The following PDE10A variants were observed in gnomAD, a reference collection of about 807,000 sequenced individuals.
PDE10A encodes the protein cAMP and cAMP-inhibited cGMP 3',5'-cyclic phosphodiesterase 10A.
Under a neutral mutation model 97.7 loss-of-function variants are expected in PDE10A, and 39 were observed. The observed-to-expected ratio is 0.40, with a 90% CI of 0.31 to 0.52. PDE10A has a LOEUF of 0.52. PDE10A is among the 20% of genes least tolerant of loss of function. The probability of loss-of-function intolerance (pLI) is 0.56; values close to 1 mark genes in which losing one functional copy is unlikely to be tolerated. For missense variants in PDE10A, 731 were observed against 1,047.8 expected, an observed-to-expected ratio of 0.70 and a Z score of 4.17; for synonymous variants, 371 against 376.8, an observed-to-expected ratio of 0.98 and a Z score of 0.18.
intron 1 of PDE10A, among the ~76,000 whole-genome samples, chr6:165,704,960 C>T (rs889336381): frequency 6.6e-6 from 1 of 152,248 alleles, no homozygotes; most frequent in South Asian, 2.1e-4. Context: ...TCCACATCTT[C>T]CCCTGTTGTG....
At chr6:165,563,650 G>A (rs575546903) in intron 1 of PDE10A, among the ~76,000 whole-genome samples, 3 of 152,154 alleles carry the variant, frequency 2.0e-5, no homozygotes, top group Non-Finnish European at 4.4e-5. Flanking sequence ...AGCACCTTGG[G>A]AGGCTGAGGC....
At chr6:165,758,551 A>G (rs867463393) in intron 1 of PDE10A, among the ~76,000 whole-genome samples, 21 of 89,100 alleles carry the variant, frequency 2.4e-4, no homozygotes, top group African/African-American at 3.0e-4. Context: ...AAGAGGAAGA[A>G]GAAGAGGAAG....
intron 7 of PDE10A, among the ~76,000 whole-genome samples, 161 bp from the exon 8 acceptor site, chr6:165,431,633 T>TAC (rs143884002): frequency 0.041 from 6,079 of 147,942 alleles, 462 homozygotes; most frequent in African/African-American, 0.14. Flanking sequence ...TATATATATA[T>TAC]ATACACACAC....
At chr6:165,542,330 T>C (rs1783488218) in intron 2 of PDE10A, among the ~76,000 whole-genome samples, 1 of 152,154 alleles carries the variant, frequency 6.6e-6, no homozygotes, top group Non-Finnish European at 1.5e-5. Flanking sequence ...TATATTAATA[T>C]ACATTCAGTT....
intron 2 of PDE10A, among the ~76,000 whole-genome samples, chr6:165,538,495 T>C (rs1224024342): frequency 6.6e-6 from 1 of 152,208 alleles, no homozygotes. Flanking sequence ...TTTAAGAAAT[T>C]AATGTTACAA....
chr6:165,889,361 C>A (rs139470771), intron 1 of PDE10A, among the ~76,000 whole-genome samples: 1 of 152,318 alleles, frequency 6.6e-6, no homozygotes, highest in Admixed American at 6.5e-5. Flanking sequence ...AGTTGTTTCC[C>A]AATCTGCACT....
intron 2 of PDE10A, among the ~76,000 whole-genome samples, chr6:165,540,246 A>G (rs1783348814): frequency 6.6e-6 from 1 of 152,198 alleles, no homozygotes; most frequent in African/African-American, 2.4e-5. Flanking sequence ...TTGAAAGTTT[A>G]GCCAAATATA....
At chr6:165,424,617 A>T (rs1370831782) in intron 10 of PDE10A, among the ~76,000 whole-genome samples, 2 of 152,196 alleles carry the variant, frequency 1.3e-5, no homozygotes, top group Non-Finnish European at 1.5e-5. Context: ...TCATTTTATA[A>T]GTGTAGCATA....
chr6:165,952,271 A>C (rs93622), intron 1 of PDE10A, among the ~76,000 whole-genome samples: 70,590 of 152,110 alleles, frequency 0.46, 18,124 homozygotes, highest in Admixed American at 0.6. Context: ...GCCTTTCTTC[A>C]CTCCCCAACT....
intron 3 of PDE10A, among the ~76,000 whole-genome samples, chr6:165,460,007 C>T (rs1720340432): frequency 2.6e-5 from 4 of 152,192 alleles, no homozygotes; most frequent in Admixed American, 1.3e-4. Context: ...AAAATGGGAA[C>T]CCGATTTTGG....
At chr6:165,962,458 G>A (rs541801917) in intron 1 of PDE10A, among the ~76,000 whole-genome samples, 50 of 152,364 alleles carry the variant, frequency 3.3e-4, no homozygotes, top group Non-Finnish European at 7.1e-4. Context: ...TACTCATTCA[G>A]CTTCGCTCGG....
At chr6:165,352,394 G>C (rs945469542) in intron 18 of PDE10A, among the ~76,000 whole-genome samples, 2 of 152,080 alleles carry the variant, frequency 1.3e-5, no homozygotes, top group Non-Finnish European at 2.9e-5. Flanking sequence ...TTTGGATAGA[G>C]AGAGGCCACT....
chr6:165,592,500 C>T (rs926391762), intron 1 of PDE10A, among the ~76,000 whole-genome samples: 5 of 152,134 alleles, frequency 3.3e-5, no homozygotes, highest in African/African-American at 4.8e-5. Context: ...AAACTATCAT[C>T]GGAGTTAAGA....
At chr6:165,908,249 A>G (rs9347096) in intron 1 of PDE10A, among the ~76,000 whole-genome samples, 22,906 of 152,246 alleles carry the variant, frequency 0.15, 1,936 homozygotes, top group East Asian at 0.26. Context: ...GAGGGCTGCC[A>G]TGCAGGACTT....
chr6:165,620,940 G>C (rs1016932972), intron 1 of PDE10A, among the ~76,000 whole-genome samples: 1 of 151,044 alleles, frequency 6.6e-6, no homozygotes, highest in Non-Finnish European at 1.5e-5. Context: ...GGAATCGATT[G>C]AACCTGGGAG....
chr6:165,809,779 A>G (rs986068296), intron 1 of PDE10A, among the ~76,000 whole-genome samples: 1 of 152,200 alleles, frequency 6.6e-6, no homozygotes, highest in Non-Finnish European at 1.5e-5. Context: ...TGAAAGGCAC[A>G]TGGAAGGCAT....
intron 1 of PDE10A, among the ~76,000 whole-genome samples, chr6:165,657,737 G>A (rs1046934523): frequency 2.0e-5 from 3 of 152,178 alleles, no homozygotes; most frequent in African/African-American, 4.8e-5. Flanking sequence ...AATTAAAAGT[G>A]CAATTTCTTG....
intron 2 of PDE10A, among the ~76,000 whole-genome samples, chr6:165,517,396 C>T (rs1283029221): frequency 2.6e-5 from 4 of 152,082 alleles, no homozygotes; most frequent in Non-Finnish European, 5.9e-5. Context: ...AACACAAACA[C>T]CAGTTAAAGC....
chr6:165,527,463 C>G (rs1782514296), intron 2 of PDE10A, among the ~76,000 whole-genome samples: 1 of 152,170 alleles, frequency 6.6e-6, no homozygotes, highest in Non-Finnish European at 1.5e-5. Context: ...CATAGGTGAA[C>G]CACAGCGGAG....
Sources: allele counts gnomAD v4.1 joint callset (sites outside exome capture counted in the v4.1 genomes callset), GRCh38; gene constraint gnomAD v4.1.1; transcripts MANE v1.5; gene names NCBI Gene and HGNC (gene_info 2026-07-23, HGNC 2026-07-21).